Variants in HS2ST1 observed in about 807,000 individuals in gnomAD.
The protein encoded by HS2ST1 is heparan sulfate 2-O-sulfotransferase 1.
In HS2ST1, 18 loss-of-function variants were observed where a neutral mutation model predicts 42.9. The ratio of observed to expected loss-of-function variants is 0.42; its 90% CI spans 0.29 to 0.62. The LOEUF (loss-of-function observed/expected upper bound fraction) is 0.62. Among genes scored for constraint, HS2ST1 ranks in the 20% least tolerant of loss-of-function variants. The pLI is 0.21. For synonymous variants in HS2ST1, 146 were observed against 152.9 expected, an observed-to-expected ratio of 0.95 and a Z score of 0.33; for missense variants, 334 against 433.8, an observed-to-expected ratio of 0.77 and a Z score of 2.04.
chr1:87,091,198 A>C lies in HS2ST1; in HGVS notation c.450-1333A>C, dbSNP rs59496186. On this transcript the variant is annotated intron_variant, in intron 3 of 6. Coordinates refer to ENST00000370550, the MANE Select transcript of HS2ST1 (RefSeq NM_012262.4). ...TCTGGCAATATTGGGTTCATACAAA[A>C]AGTATTTTTGAAGGAATTAATGTAG... Among the ~76,000 whole-genome samples, 663 of 152,154 alleles carry C rather than the reference A, an allele frequency of 4.4e-3. 4 individuals carry two copies. The highest frequency in any genetic ancestry group is 0.015 in the African/African-American group (640 of 41,544).
chr1:87,018,768 T>C (rs1352777840), intron 1 of HS2ST1, among the ~76,000 whole-genome samples: 3 of 152,064 alleles, frequency 2.0e-5, no homozygotes, highest in African/African-American at 7.2e-5. Context: ...GTTCTAAGGG[T>C]GGTGGTTGCG....
rs1652333131 is a variant in HS2ST1, at chr1:87,106,806, A to G, written c.*2110A>G. 2 of 152,066 alleles carry G rather than the reference A, an allele frequency of 1.3e-5. No individual in the cohort carries two copies. Among genetic ancestry groups the G allele is most frequent in the South Asian group, 4.1e-4 (2 of 4,838 alleles). 9.4% of individuals were successfully genotyped at this position (152,066 alleles called of 1,614,324 possible). The stretch of plus-strand genomic sequence containing the variant: ...AGGTGTGGTTTGACATTACATGCTA[A>G]TGAACAAACCCAGTATGCAAGTTAT... On this transcript the variant is annotated 3_prime_UTR_variant, in exon 7 of 7. Transcript: ENST00000370550.
At chr1:87,097,295 G>C (rs1409235633) in intron 4 of HS2ST1, among the ~76,000 whole-genome samples, 4 of 152,224 alleles carry the variant, frequency 2.6e-5, no homozygotes, top group Non-Finnish European at 4.4e-5. Context: ...AAGTTATGTA[G>C]ATAAAGATAT....
chr1:87,072,156 A>G (rs1004825584), intron 1 of HS2ST1, among the ~76,000 whole-genome samples: 8 of 152,288 alleles, frequency 5.3e-5, no homozygotes, highest in African/African-American at 1.7e-4. Context: ...TAGAGGAACC[A>G]TGAAATTTAA....
intron 1 of HS2ST1, among the ~76,000 whole-genome samples, chr1:87,062,703 T>C (rs2100624586): frequency 6.6e-6 from 1 of 152,326 alleles, no homozygotes. Context: ...TTATAGAGTT[T>C]TTTTAGCCAG....
At chr1:87,061,317 A>G (rs1051866909) in intron 1 of HS2ST1, among the ~76,000 whole-genome samples, 3 of 152,110 alleles carry the variant, frequency 2.0e-5, no homozygotes, top group Admixed American at 6.6e-5. Flanking sequence ...AACATTCACA[A>G]TATTGTACAA....
intron 4 of HS2ST1, 49 bp downstream of exon 4, chr1:87,092,718 G>T: frequency 8.4e-7 from 1 of 1,190,656 alleles, no homozygotes; most frequent in Non-Finnish European, 1.1e-6. Context: ...TTTATGAACT[G>T]CAGTGAGCAA....
chr1:87,009,587 C>T (rs989580800), intron 1 of HS2ST1, among the ~76,000 whole-genome samples: 7 of 152,116 alleles, frequency 4.6e-5, no homozygotes, highest in African/African-American at 7.2e-5. Flanking sequence ...TTTGGTAAAC[C>T]GTGATAGCAA....
At chr1:87,059,842 T>C (rs560438712) in intron 1 of HS2ST1, among the ~76,000 whole-genome samples, 3 of 152,234 alleles carry the variant, frequency 2.0e-5, no homozygotes, top group African/African-American at 7.2e-5. Context: ...AAATTGGTGT[T>C]TTTCTAAACT....
chr1:86,966,896 CT>C (rs11373445), intron 1 of HS2ST1, among the ~76,000 whole-genome samples: 14 of 147,246 alleles, frequency 9.5e-5, no homozygotes, highest in African/African-American at 1.7e-4. Context: ...GAGTGCATTC[CT>C]TTTTTTTTTT....
At chr1:86,958,982 A>G (rs978021997) in intron 1 of HS2ST1, among the ~76,000 whole-genome samples, 3 of 152,260 alleles carry the variant, frequency 2.0e-5, no homozygotes, top group African/African-American at 7.2e-5. Context: ...CTAAATAAGA[A>G]AAATCATATG....
intron 1 of HS2ST1, among the ~76,000 whole-genome samples, chr1:86,940,093 G>A (rs1394884273): frequency 6.6e-6 from 1 of 152,174 alleles, no homozygotes; most frequent in Non-Finnish European, 1.5e-5. Flanking sequence ...GCTTGGTACA[G>A]TGGCTCATGC....
chr1:86,965,312 C>T (rs1292649148), intron 1 of HS2ST1, among the ~76,000 whole-genome samples: 2 of 152,030 alleles, frequency 1.3e-5, no homozygotes, highest in African/African-American at 4.8e-5. Flanking sequence ...CCACTTGAGG[C>T]ATGGCATTTA....
At chr1:86,998,249 T>C (rs1649164192) in intron 1 of HS2ST1, among the ~76,000 whole-genome samples, 1 of 152,214 alleles carries the variant, frequency 6.6e-6, no homozygotes, top group Non-Finnish European at 1.5e-5. Flanking sequence ...GTCCTCAGGA[T>C]TGACCAGTAC....
intron 2 of HS2ST1, among the ~76,000 whole-genome samples, chr1:87,079,479 AC>A (rs1003102458): frequency 5.3e-4 from 80 of 152,282 alleles, no homozygotes; most frequent in African/African-American, 1.9e-3. Flanking sequence ...ATTAGTGTGA[AC>A]CATGTTAGCC....
chr1:87,053,511 T>G (rs978154047), intron 1 of HS2ST1, among the ~76,000 whole-genome samples: 16 of 152,322 alleles, frequency 1.1e-4, no homozygotes, highest in African/African-American at 3.6e-4. Flanking sequence ...TAATTTACTT[T>G]CAACCTTTTT....
intron 1 of HS2ST1, among the ~76,000 whole-genome samples, chr1:87,010,725 T>G (rs1649574520): frequency 6.6e-6 from 1 of 152,174 alleles, no homozygotes; most frequent in Admixed American, 6.5e-5. Context: ...TAAAACACAA[T>G]AAAAGCATAT....
intron 1 of HS2ST1, among the ~76,000 whole-genome samples, chr1:86,943,913 C>G (rs913634996): frequency 3.3e-5 from 5 of 151,958 alleles, no homozygotes; most frequent in Non-Finnish European, 7.4e-5. Flanking sequence ...GTAATCTCAG[C>G]TACTTGGGAG....
chr1:86,964,910 C>T (rs550841914), intron 1 of HS2ST1, among the ~76,000 whole-genome samples: 44 of 152,110 alleles, frequency 2.9e-4, no homozygotes, highest in Admixed American at 1.2e-3. Flanking sequence ...GATGATGTCC[C>T]GTGTGCTTAG....
Sources: allele counts gnomAD v4.1 joint callset (sites outside exome capture counted in the v4.1 genomes callset), GRCh38; gene constraint gnomAD v4.1.1; transcripts MANE v1.5; gene names NCBI Gene and HGNC (gene_info 2026-07-23, HGNC 2026-07-21).